BABAM2: variants seen among roughly 807,000 people sequenced by gnomAD.
The protein encoded by BABAM2 is BRISC and BRCA1 A complex member 2.
BABAM2 carries 31 observed loss-of-function variants against 54.7 expected under a neutral mutation model. The ratio of observed to expected loss-of-function variants is 0.57; its 90% CI spans 0.43 to 0.77. The LOEUF (loss-of-function observed/expected upper bound fraction) is 0.77, where lower values mean the gene tolerates loss of function less well. BABAM2 is among the 30% of genes least tolerant of loss of function. The probability of loss-of-function intolerance (pLI) is 0.00; values close to 1 mark genes in which losing one functional copy is unlikely to be tolerated. For missense variants in BABAM2, 364 were observed against 455.8 expected (o/e 0.80, Z 1.83); for synonymous variants, 167 against 162.9 (o/e 1.03, Z -0.19).
At chr2:27,889,999 T>TG (rs1664685479), upstream of BABAM2, 2 of 382,420 alleles carry the variant, frequency 5.2e-6, no homozygotes, top group South Asian at 1.2e-4. Flanking sequence ...GGCAGGTCTT[T>TG]GGGGAGCGCT....
At chr2:28,060,782 A>G (rs902396384) in intron 6 of BABAM2, among the ~76,000 whole-genome samples, 12 of 152,206 alleles carry the variant, frequency 7.9e-5, no homozygotes, top group African/African-American at 2.7e-4. Context: ...AAAAGATATG[A>G]AAGACTTTTA....
At chr2:28,219,208 G>A (rs1680175235) in intron 7 of BABAM2, among the ~76,000 whole-genome samples, 1 of 152,200 alleles carries the variant, frequency 6.6e-6, no homozygotes, top group African/African-American at 2.4e-5. Context: ...AGAGAGTTCA[G>A]TCCCTTGCAG....
chr2:28,209,593 T>G (rs1679239330), intron 7 of BABAM2, among the ~76,000 whole-genome samples: 1 of 152,182 alleles, frequency 6.6e-6, no homozygotes, highest in South Asian at 2.1e-4. Context: ...ATGCTCTAAG[T>G]GTATGGTTTT....
intron 3 of BABAM2, among the ~76,000 whole-genome samples, chr2:27,986,595 C>T (rs531422373): frequency 1.3e-4 from 20 of 152,072 alleles, no homozygotes; most frequent in South Asian, 4.2e-4. Flanking sequence ...AATCAGGGAA[C>T]GAGAGGAGTG....
Position 27,910,070 on chromosome 2 carries a change from G to GTTC in BABAM2, c.128+15388_128+15390dup, listed in dbSNP as rs1182708526. On this transcript the variant is annotated intron_variant, in intron 2 of 11. Coordinates refer to ENST00000379624, the MANE Select transcript of BABAM2 (RefSeq NM_199191.3). ...TAGCTAAGCCATTCCATCTATAACA[G>GTTC]TTCTCCCTTGTTCTTTTCTGTATCA... 2.6e-5 allele frequency among the ~76,000 whole-genome samples: 4 copies of GTTC among 152,158 alleles called. 1 individual carries two copies. The highest frequency in any genetic ancestry group is 2.6e-4 in the Admixed American group (4 of 15,270).
chr2:27,946,905 A>G (rs1489545864), intron 3 of BABAM2, among the ~76,000 whole-genome samples: 2 of 152,052 alleles, frequency 1.3e-5, no homozygotes, highest in African/African-American at 2.4e-5. Context: ...TTTCCTCCTT[A>G]TTCTTTTACT....
At chr2:28,181,667 T>C (rs1355114007) in intron 7 of BABAM2, among the ~76,000 whole-genome samples, 1 of 152,022 alleles carries the variant, frequency 6.6e-6, no homozygotes, top group Non-Finnish European at 1.5e-5. Context: ...ATATTACATA[T>C]ACCCCATTAA....
rs556500483 is a variant in BABAM2, at chr2:27,930,235, G to A, written c.205+327G>A. On this transcript the variant is annotated intron_variant, in intron 3 of 11. Coordinates refer to ENST00000379624, the MANE Select transcript of BABAM2 (RefSeq NM_199191.3). ...CTGCTTTAGAATACCTGGCCATTTC[G>A]AAACAGTTTTTAGGTAGGAGTGGCT... The A allele has an allele frequency of 1.8e-4, 36 of 200,420 alleles. No individual in the cohort carries two copies. The South Asian group carries it at 1.9e-3, about 10-fold the overall frequency. The allele number at this position is 200,420 out of a possible 1,614,324, so 12.4% of individuals were successfully genotyped here.
intron 7 of BABAM2, among the ~76,000 whole-genome samples, chr2:28,132,129 C>T (rs541034046): frequency 0.021 from 3,149 of 149,260 alleles, 52 homozygotes; most frequent in Admixed American, 0.028. Flanking sequence ...CCTTTTTTTT[C>T]TTTCTTCTTC....
chr2:27,899,112 G>GA (rs1407932639), intron 2 of BABAM2, among the ~76,000 whole-genome samples: 6 of 151,370 alleles, frequency 4.0e-5, no homozygotes, highest in African/African-American at 1.2e-4. Context: ...CAAAAATAAA[G>GA]AAAAAAAATA....
At chr2:28,065,549 G>T (rs1415414897) in intron 6 of BABAM2, among the ~76,000 whole-genome samples, 1 of 152,154 alleles carries the variant, frequency 6.6e-6, no homozygotes, top group East Asian at 1.9e-4. Flanking sequence ...GAGCTTCTAG[G>T]ATAGCTGACA....
At chr2:27,977,612 T>C (rs997475724) in intron 3 of BABAM2, among the ~76,000 whole-genome samples, 1 of 152,224 alleles carries the variant, frequency 6.6e-6, no homozygotes, top group African/African-American at 2.4e-5. Flanking sequence ...AATAGAAGTT[T>C]AATACATAAA....
At chr2:28,310,615 G>A (rs995710877) in intron 11 of BABAM2, among the ~76,000 whole-genome samples, 3 of 152,166 alleles carry the variant, frequency 2.0e-5, no homozygotes, top group Admixed American at 1.3e-4. Flanking sequence ...TGGGCGTGGT[G>A]GCTCACACCT....
intron 6 of BABAM2, among the ~76,000 whole-genome samples, chr2:28,051,513 A>T (rs1180289840): frequency 6.6e-6 from 1 of 152,202 alleles, no homozygotes; most frequent in Admixed American, 6.5e-5. Flanking sequence ...AAGCAGGATA[A>T]TGAAACCAAA....
At chr2:27,982,594 G>A (rs1672086695) in intron 3 of BABAM2, among the ~76,000 whole-genome samples, 2 of 151,898 alleles carry the variant, frequency 1.3e-5, no homozygotes, top group African/African-American at 4.8e-5. Context: ...TTGTTGAAAA[G>A]ATGCTTAAAA....
chr2:28,100,982 T>C (rs2148708176), intron 6 of BABAM2, among the ~76,000 whole-genome samples: 1 of 152,288 alleles, frequency 6.6e-6, no homozygotes, highest in Admixed American at 6.5e-5. Context: ...TAGGTATCAT[T>C]TCCAGGGAAG....
intron 2 of BABAM2, among the ~76,000 whole-genome samples, chr2:27,897,919 T>A (rs1665471273): frequency 6.6e-6 from 1 of 152,212 alleles, no homozygotes; most frequent in African/African-American, 2.4e-5. Flanking sequence ...TTTTCCAGTT[T>A]CCCTCACTGT....
chr2:28,053,998 T>C (rs1678200209), intron 6 of BABAM2, among the ~76,000 whole-genome samples: 1 of 152,232 alleles, frequency 6.6e-6, no homozygotes, highest in East Asian at 1.9e-4. Context: ...TTATTATTTG[T>C]CAATTAAAAA....
At chr2:28,279,785 C>A (rs1040862700) in intron 10 of BABAM2, among the ~76,000 whole-genome samples, 4 of 151,694 alleles carry the variant, frequency 2.6e-5, no homozygotes, top group Non-Finnish European at 2.9e-5. Context: ...CCTGCCTCAG[C>A]CTCCCGAGTA....
Sources: allele counts gnomAD v4.1 joint callset (sites outside exome capture counted in the v4.1 genomes callset), GRCh38; gene constraint gnomAD v4.1.1; transcripts MANE v1.5; gene names NCBI Gene and HGNC (gene_info 2026-07-23, HGNC 2026-07-21).